The following SCAP variants were observed in gnomAD, a reference collection of about 807,000 sequenced individuals.
SCAP encodes sterol regulatory element-binding protein cleavage-activating protein.
Under a neutral mutation model 123.6 loss-of-function variants are expected in SCAP, and 65 were observed. The observed-to-expected ratio is 0.53, with a 90% confidence interval of 0.43 to 0.65. The LOEUF is 0.65. Ranked by LOEUF, SCAP falls within the 30% of genes least tolerant of loss-of-function variation. The probability of loss-of-function intolerance (pLI) is 0.00; values close to 1 mark genes in which losing one functional copy is unlikely to be tolerated. For synonymous variants in SCAP, 740 were observed against 726.3 expected (o/e 1.02, Z -0.30); for missense variants, 1,398 against 1,712.5 (o/e 0.82, Z 3.24).
Position 47,417,150 on chromosome 3 carries a change from T to C in SCAP, c.3028A>G (p.Ile1010Val), listed in dbSNP as rs142752447. The part of the protein sequence containing the change: ...CCSSEEVSSG[I>V]TALVFLDKRI... ...TTGTCCAAGAACACCAGAGCGGTAA[T>C]GCCTGAGGAGACCTCCTCGCTGCTG... Residue 1010 changes from isoleucine to valine, a missense_variant, in exon 18 of 23, where the codon ATT becomes GTT. Ile to Val is a conservative substitution (Grantham distance 29). This residue lies in a region of SCAP where 828 missense variants were observed against 882.5 expected (regional missense o/e 0.94). Coordinates refer to ENST00000265565, the MANE Select transcript of SCAP (RefSeq NM_012235.4). 5.5e-4 allele frequency: 883 copies of C among 1,612,958 alleles called. 1 individual carries two copies. Among genetic ancestry groups the C allele is most frequent in the Non-Finnish European group, 7.0e-4 (823 of 1,179,904 alleles).
At chr3:47,426,758 G>A (rs1051464830) in intron 6 of SCAP, among the ~76,000 whole-genome samples, 2 of 152,192 alleles carry the variant, frequency 1.3e-5, no homozygotes, top group African/African-American at 2.4e-5. Context: ...GATTGCCAGA[G>A]GCCTAGGAGA....
intron 18 of SCAP, among the ~76,000 whole-genome samples, chr3:47,416,498 G>T (rs556882126): frequency 6.2e-4 from 94 of 152,258 alleles, no homozygotes; most frequent in African/African-American, 2.2e-3. Context: ...AGAGAAACTG[G>T]CTTCATTGAG....
At chr3:47,428,354 C>T (rs541800890) in intron 4 of SCAP, among the ~76,000 whole-genome samples, 159 bp downstream of exon 4, 1 of 152,290 alleles carries the variant, frequency 6.6e-6, no homozygotes, top group African/African-American at 2.4e-5. Context: ...CGTAGACCCA[C>T]AAGGATGCTG....
rs80223072 is a variant in SCAP at position 47,464,489 on chromosome 3, T to C, written c.-99+11310A>G. 7.2e-3 allele frequency among the ~76,000 whole-genome samples: 1,102 copies of C among 152,190 alleles called. 14 individuals are homozygous for C. The highest frequency in any genetic ancestry group is 0.026 in the African/African-American group (1,073 of 41,534). On this transcript the variant is annotated intron_variant, in intron 1 of 22. Transcript: ENST00000265565. ...CAATTAAGGTAATATGCCACATTACTAGAATGAAGGAGAAAAACAATGATC... is the reference window on the plus strand; with the variant it reads ...CAATTAAGGTAATATGCCACATTACCAGAATGAAGGAGAAAAACAATGATC...
At chr3:47,468,084 G>A (rs1224720387) in intron 1 of SCAP, among the ~76,000 whole-genome samples, 2 of 152,116 alleles carry the variant, frequency 1.3e-5, no homozygotes, top group African/African-American at 2.4e-5. Context: ...ATTCCATGGT[G>A]TATATGTGCC....
intron 7 of SCAP, 90 bp from the exon 8 acceptor site, chr3:47,425,701 G>A: frequency 6.9e-7 from 1 of 1,439,590 alleles, no homozygotes. Flanking sequence ...TGACAGTCGA[G>A]GAAGGGAAAA....
At chr3:47,456,857 G>A (rs187804257) in intron 1 of SCAP, among the ~76,000 whole-genome samples, 152 of 152,042 alleles carry the variant, frequency 1.0e-3, no homozygotes, top group Non-Finnish European at 1.3e-3. Flanking sequence ...CTAAATTCCC[G>A]CGTATATAAG....
At position 47,442,955 on chromosome 3, in the gene SCAP, C is replaced by G; in HGVS notation, c.39G>C (p.Arg13=). 6.2e-7 allele frequency: 1 copy of G among 1,614,028 alleles called. No individual in the cohort carries two copies. The highest frequency in any genetic ancestry group is 8.5e-7 in the Non-Finnish European group (1 of 1,180,024). ...LTERLREKIS[R]AFYNHGLLCA... is the part of the protein sequence containing the mutation. ...AGAGGAGCCCATGGTTGTAGAAGGC[C>G]CGAGATATCTTCTCACGCAGCCTTT... The change falls in exon 2 of 23, where the codon CGG becomes CGC. Residue 13 remains arginine (R), a synonymous_variant. Coordinates refer to ENST00000265565, the MANE Select transcript of SCAP (RefSeq NM_012235.4).
intron 1 of SCAP, among the ~76,000 whole-genome samples, chr3:47,464,816 AG>A (rs1707766790): frequency 6.6e-6 from 1 of 152,218 alleles, no homozygotes; most frequent in Non-Finnish European, 1.5e-5. Context: ...TCAACTGGAC[AG>A]GAAGTAGTAA....
Position 47,414,178 on chromosome 3 carries a change from A to G in SCAP, c.3594+2T>C. The G allele has an allele frequency of 6.2e-7, 1 of 1,613,558 alleles. No individual in the cohort carries two copies. On this transcript the variant is annotated splice_donor_variant, in intron 22 of 22. Coordinates refer to ENST00000265565, the MANE Select transcript of SCAP (RefSeq NM_012235.4). LOFTEE classifies it high-confidence loss of function. The stretch of plus-strand genomic sequence containing the variant: ...GAATCCTATGATCCCCATCCCCTCT[A>G]CCTGCTGAATGGAGTAGAACTTGAT...
intron 1 of SCAP, among the ~76,000 whole-genome samples, chr3:47,458,724 T>C (rs1707519343): frequency 6.6e-6 from 1 of 152,222 alleles, no homozygotes; most frequent in Non-Finnish European, 1.5e-5. Context: ...GCCAGTTACC[T>C]ACATTCTTAC....
intron 1 of SCAP, among the ~76,000 whole-genome samples, chr3:47,475,163 C>G (rs903714263): frequency 6.6e-6 from 1 of 151,780 alleles, no homozygotes; most frequent in Non-Finnish European, 1.5e-5. Flanking sequence ...GACTCACTGC[C>G]CCCCCCTCCG....
chr3:47,460,569 T>C (rs1295556443), intron 1 of SCAP, among the ~76,000 whole-genome samples: 1 of 152,312 alleles, frequency 6.6e-6, no homozygotes, highest in East Asian at 1.9e-4. Context: ...TGTTGTCTTT[T>C]TGAGACAGAG....
intron 1 of SCAP, among the ~76,000 whole-genome samples, chr3:47,468,213 A>G (rs1387155466): frequency 1.3e-5 from 2 of 152,186 alleles, no homozygotes; most frequent in African/African-American, 4.8e-5. Context: ...AGCATGATTT[A>G]TAATCCTTTG....
rs1705726817 is a variant in SCAP, at chr3:47,418,305, C to T, written c.2331+16G>A. On this transcript the variant is annotated intron_variant, in intron 15 of 22. Coordinates refer to ENST00000265565, the MANE Select transcript of SCAP (RefSeq NM_012235.4). The stretch of plus-strand genomic sequence containing the variant: ...GCTCCGGCCCTCCCCTACCCGGCCA[C>T]TGTGCCCCTGCTCACCATGAGGTGG... The T allele has an allele frequency of 3.2e-6, 5 of 1,555,326 alleles. No homozygotes were observed. Among genetic ancestry groups the T allele is most frequent in the Non-Finnish European group, 4.3e-6 (5 of 1,149,928 alleles).
intron 1 of SCAP, among the ~76,000 whole-genome samples, chr3:47,448,487 T>C (rs1456877406): frequency 1.3e-5 from 2 of 152,138 alleles, no homozygotes; most frequent in African/African-American, 4.8e-5. Context: ...CCTCTCTTTT[T>C]GAGACTTCAA....
chr3:47,438,171 AAC>A (rs1408952067), intron 2 of SCAP, among the ~76,000 whole-genome samples: 14 of 152,232 alleles, frequency 9.2e-5, no homozygotes, highest in Admixed American at 9.2e-4. Context: ...ACTTTTGTGA[AAC>A]GCCTCTTCAA....
At chr3:47,458,146 G>C (rs950115101) in intron 1 of SCAP, among the ~76,000 whole-genome samples, 1 of 151,766 alleles carries the variant, frequency 6.6e-6, no homozygotes, top group African/African-American at 2.4e-5. Context: ...AAATTAGCAG[G>C]GCGTGGCCAG....
chr3:47,431,187 G>A (rs1706340335), intron 3 of SCAP, among the ~76,000 whole-genome samples: 1 of 13,120 alleles, frequency 7.6e-5, no homozygotes, highest in Admixed American at 1.1e-3. Context: ...ACAGGTCTGA[G>A]CAGGAAAGGA....
Sources: allele counts gnomAD v4.1 joint callset (sites outside exome capture counted in the v4.1 genomes callset), GRCh38; gene constraint gnomAD v4.1.1; regional missense constraint gnomAD v4.1.1; transcripts MANE v1.5; gene names NCBI Gene and HGNC (gene_info 2026-07-23, HGNC 2026-07-21).